The following SNX25 variants were observed in gnomAD, a reference collection of about 807,000 sequenced individuals.
SNX25 encodes the protein sorting nexin 25, also known as sorting nexin-25.
SNX25 carries 62 observed loss-of-function variants against 113.7 expected under a neutral mutation model. The ratio of observed to expected loss-of-function variants is 0.55; its 90% CI spans 0.44 to 0.67. The LOEUF is 0.67. Ranked by LOEUF, SNX25 falls within the 30% of genes least tolerant of loss-of-function variation. The pLI is 0.00. For missense variants in SNX25, 1,014 were observed against 1,161.0 expected (o/e 0.87, Z 1.84); for synonymous variants, 421 against 436.2 (o/e 0.97, Z 0.43).
chr4:185,359,658 G>A (rs1309623817), intron 16 of SNX25, among the ~76,000 whole-genome samples: 1 of 152,172 alleles, frequency 6.6e-6, no homozygotes, highest in Non-Finnish European at 1.5e-5. Context: ...GCTGGGCATG[G>A]TGGGTGCATG....
At position 185,363,336 on chromosome 4, in the gene SNX25, C is replaced by T. The variant is rs372330178; in HGVS notation, c.2935-49C>T. ...GATGCAGATATTTATTTTGAATAAA[C>T]CCTTGGAGAAAAACATTTTTCCACT... On this transcript the variant is annotated intron_variant, in intron 18 of 18. Transcript: ENST00000652585. This position sits in a 1 kb window ranked among gnomAD's most constrained non-coding sequence, Gnocchi z 4.2. 5.4e-5 allele frequency: 85 copies of T among 1,575,170 alleles called. No homozygotes were observed. Among genetic ancestry groups the T allele is most frequent in the Non-Finnish European group, 7.3e-5 (84 of 1,146,736 alleles).
chr4:185,241,454 G>GA (rs1743988051), intron 1 of SNX25, among the ~76,000 whole-genome samples: 5 of 68,842 alleles, frequency 7.3e-5, no homozygotes, highest in Admixed American at 3.7e-4. Flanking sequence ...GCTCGGCATC[G>GA]GGGAGACCGT....
At chr4:185,321,948 G>A (rs1360917685) in intron 8 of SNX25, among the ~76,000 whole-genome samples, 1 of 152,100 alleles carries the variant, frequency 6.6e-6, no homozygotes, top group African/African-American at 2.4e-5. Flanking sequence ...ACGCAAAAAC[G>A]CTGCACCATT....
chr4:185,255,819 A>T (rs920201661), intron 2 of SNX25, among the ~76,000 whole-genome samples: 8 of 152,096 alleles, frequency 5.3e-5, no homozygotes, highest in Non-Finnish European at 1.0e-4. Flanking sequence ...AAGGGACGAA[A>T]CTCACTTACT....
chr4:185,218,874 A>G (rs1739323782), intron 1 of SNX25, among the ~76,000 whole-genome samples: 1 of 120,744 alleles, frequency 8.3e-6, no homozygotes, highest in South Asian at 2.8e-4. Context: ...AGTTTACATA[A>G]ATTAAACTAA....
intron 6 of SNX25, among the ~76,000 whole-genome samples, chr4:185,307,102 C>A (rs911065518): frequency 6.6e-6 from 1 of 152,162 alleles, no homozygotes. Flanking sequence ...GGAAAAGCTG[C>A]TTCTGATAAA....
chr4:185,285,619 T>C (rs1459270180), intron 5 of SNX25, among the ~76,000 whole-genome samples: 1 of 152,240 alleles, frequency 6.6e-6, no homozygotes, highest in African/African-American at 2.4e-5. Flanking sequence ...ACAAGACAGC[T>C]TGACATACAG....
At chr4:185,253,188 A>G (rs1165841830) in intron 2 of SNX25, among the ~76,000 whole-genome samples, 2 of 152,242 alleles carry the variant, frequency 1.3e-5, no homozygotes, top group African/African-American at 4.8e-5. Context: ...TTAATTGTAT[A>G]ATTATTGAGT....
intron 6 of SNX25, among the ~76,000 whole-genome samples, chr4:185,303,747 C>T (rs1428794791): frequency 6.6e-6 from 1 of 151,034 alleles, no homozygotes; most frequent in East Asian, 2.0e-4. Flanking sequence ...TCTCTGTACT[C>T]TTCTCCATCA....
At chr4:185,223,644 G>T (rs1019785954) in intron 1 of SNX25, among the ~76,000 whole-genome samples, 1 of 152,034 alleles carries the variant, frequency 6.6e-6, no homozygotes, top group Non-Finnish European at 1.5e-5. Context: ...AGCCGGGCGT[G>T]GTGGCGGGCA....
intron 16 of SNX25, 100 bp from the exon 17 acceptor site, chr4:185,361,824 G>A: frequency 2.0e-6 from 2 of 1,015,706 alleles, no homozygotes; most frequent in Non-Finnish European, 2.9e-6. Context: ...CAAACACTTA[G>A]ATCAGGCTGT....
chr4:185,307,597 A>G (rs952447286), intron 6 of SNX25, among the ~76,000 whole-genome samples: 19 of 152,240 alleles, frequency 1.2e-4, no homozygotes, highest in Admixed American at 1.2e-3. Context: ...CTGAATCCAT[A>G]TAAAGGGAAC....
chr4:185,322,381 G>A (rs769563751), intron 8 of SNX25, among the ~76,000 whole-genome samples: 60 of 152,256 alleles, frequency 3.9e-4, no homozygotes, highest in African/African-American at 1.2e-3. Context: ...GCAGTAAGCC[G>A]AGATCACGCC....
At chr4:185,222,984 T>C (rs1324213294) in intron 1 of SNX25, among the ~76,000 whole-genome samples, 2 of 152,256 alleles carry the variant, frequency 1.3e-5, no homozygotes, top group Admixed American at 6.5e-5. Context: ...TGTTAAGTGG[T>C]AGCTTTTACA....
At chr4:185,236,071 G>C (rs533128029) in intron 1 of SNX25, among the ~76,000 whole-genome samples, 1 of 152,090 alleles carries the variant, frequency 6.6e-6, no homozygotes, top group African/African-American at 2.4e-5. Flanking sequence ...GTCGGTTTCC[G>C]GGCAACATAA....
chr4:185,339,320 T>G (rs1561030655), intron 10 of SNX25, 59 bp from the exon 11 acceptor site: 2 of 1,522,768 alleles, frequency 1.3e-6, no homozygotes, highest in Admixed American at 1.7e-5. Context: ...CCTGCTACTT[T>G]GCTGAATTGC....
chr4:185,299,337 A>C lies in SNX25; in HGVS notation c.1162+11255A>C, dbSNP rs538653991. Among the ~76,000 whole-genome samples the C allele has an allele frequency of 1.8e-4, 27 of 152,282 alleles. No individual in the cohort carries two copies. The East Asian group carries it at 5.0e-3, about 28-fold the overall frequency. On this transcript the variant is annotated intron_variant, in intron 6 of 18. Coordinates refer to ENST00000652585, the MANE Select transcript of SNX25 (RefSeq NM_001378034.2). ...GATGAGATTAATAGACAAGGCCTAA[A>C]GGGCCTGGGAGTTATCCTAGAAAGC...
chr4:185,234,117 C>T (rs1742267455), intron 1 of SNX25, among the ~76,000 whole-genome samples: 2 of 152,178 alleles, frequency 1.3e-5, no homozygotes, highest in African/African-American at 4.8e-5. Flanking sequence ...CTCAGCTTCC[C>T]AAGGTGCTGG....
At chr4:185,247,199 G>A (rs755511263) in intron 1 of SNX25, 95 bp from the exon 2 acceptor site, 4 of 795,726 alleles carry the variant, frequency 5.0e-6, no homozygotes, top group Non-Finnish European at 8.2e-6. Context: ...TTATCTTAAT[G>A]CTTGTTTAGA....
Sources: gnomAD v4.1 joint callset for allele counts (sites outside exome capture counted in the v4.1 genomes callset) on GRCh38, gnomAD v4.1.1 for gene constraint, Gnocchi (gnomAD v3.1) non-coding constraint, MANE v1.5 for transcripts, NCBI Gene and HGNC (gene_info 2026-07-23, HGNC 2026-07-21) for gene names.